The following SP140 variants were observed in gnomAD, a reference collection of about 807,000 sequenced individuals.
The protein encoded by SP140 is SP140 nuclear body protein.
A neutral mutation model predicts 125.0 loss-of-function variants in SP140; 81 were observed. The observed-to-expected ratio is 0.65, with a 90% CI of 0.54 to 0.78. The LOEUF (loss-of-function observed/expected upper bound fraction) is 0.78, where lower values mean the gene tolerates loss of function less well. Among genes scored for constraint, SP140 ranks in the 30% least tolerant of loss-of-function variants. SP140 has a pLI of 0.00. For missense variants in SP140, 858 were observed against 1,037.0 expected, an observed-to-expected ratio of 0.83 and a Z score of 2.37; for synonymous variants, 312 against 354.0, an observed-to-expected ratio of 0.88 and a Z score of 1.33.
intron 21 of SP140, among the ~76,000 whole-genome samples, chr2:230,294,794 A>G (rs140634400): frequency 2.0e-5 from 3 of 152,350 alleles, no homozygotes; most frequent in Admixed American, 6.5e-5. Flanking sequence ...GAAACCATAT[A>G]TCATTTAATG....
upstream of SP140, among the ~76,000 whole-genome samples, chr2:230,222,525 C>T (rs762877236): frequency 1.3e-5 from 2 of 152,046 alleles, no homozygotes; most frequent in Non-Finnish European, 2.9e-5. Context: ...TTGAGACCAG[C>T]CTGGACAACA....
At chr2:230,212,884 G>A (rs767848653) in intron 1 of SP140, 2 of 1,614,122 alleles carry the variant, frequency 1.2e-6, no homozygotes, top group East Asian at 4.5e-5. Flanking sequence ...CTGACTCTTG[G>A]CGCACAGGGT....
chr2:230,278,589 G>A (rs947547072), intron 15 of SP140, among the ~76,000 whole-genome samples: 1 of 151,910 alleles, frequency 6.6e-6, no homozygotes. Flanking sequence ...TAACCTCAAG[G>A]AGCTTTTCCT....
chr2:230,249,310 G>T (rs2050000927), intron 9 of SP140, among the ~76,000 whole-genome samples: 1 of 152,136 alleles, frequency 6.6e-6, no homozygotes, highest in Non-Finnish European at 1.5e-5. Flanking sequence ...TGACGCAGGG[G>T]AGAATGTTTT....
chr2:230,260,768 T>C (rs1405037445), intron 12 of SP140, among the ~76,000 whole-genome samples: 1 of 152,234 alleles, frequency 6.6e-6, no homozygotes, highest in South Asian at 2.1e-4. Context: ...TTGGGTTTAC[T>C]TCTGGGTTCT....
At chr2:230,226,033 G>T (rs1196323230) in intron 1 of SP140, 130 bp downstream of exon 1, 1 of 738,510 alleles carries the variant, frequency 1.4e-6, no homozygotes, top group East Asian at 2.8e-5. Flanking sequence ...TAAATAACGA[G>T]GCAATCAGAT....
At chr2:230,253,890 G>A (rs2050752137) in intron 11 of SP140, among the ~76,000 whole-genome samples, 1 of 152,192 alleles carries the variant, frequency 6.6e-6, no homozygotes, top group Non-Finnish European at 1.5e-5. Flanking sequence ...CAAAGCGTAT[G>A]CAGTTTTACA....
At chr2:230,224,134 G>A (rs1331675730), upstream of SP140, among the ~76,000 whole-genome samples, 1 of 152,194 alleles carries the variant, frequency 6.6e-6, no homozygotes, top group East Asian at 1.9e-4. Flanking sequence ...GCAAAGTAGG[G>A]CTTTCTAGTA....
chr2:230,267,637 A>G (rs1295184005), intron 12 of SP140, among the ~76,000 whole-genome samples: 2 of 152,228 alleles, frequency 1.3e-5, no homozygotes, highest in Non-Finnish European at 2.9e-5. Context: ...TAGAATCATG[A>G]TGAAAGTATA....
At chr2:230,285,919 T>G (rs2056322831) in intron 17 of SP140, 87 bp downstream of exon 17, 4 of 991,448 alleles carry the variant, frequency 4.0e-6, no homozygotes, top group Non-Finnish European at 6.4e-6. Context: ...TCCACCTTAA[T>G]TGTTTACTCA....
In SP140 at chr2:230,213,175, A is replaced by G. The variant is rs112889751; in HGVS notation, c.-322-479A>G. 1.8e-3 allele frequency: 1,397 copies of G among 789,416 alleles called. 17 individuals carry two copies. Among genetic ancestry groups the G allele is most frequent in the South Asian group, 0.016 (1,059 of 67,760 alleles). 48.9% of individuals were successfully genotyped at this position (789,416 alleles called of 1,614,324 possible). On this transcript the variant is annotated intron_variant, in intron 1 of 4. Transcript: ENST00000456542. ...TGCAGAGAACTGATTCATTGTCATC[A>G]TTATCCATTTGTGGCCCCTTAATAT...
chr2:230,291,197 T>C (rs901349688), intron 19 of SP140, among the ~76,000 whole-genome samples: 1 of 152,252 alleles, frequency 6.6e-6, no homozygotes, highest in Non-Finnish European at 1.5e-5. Context: ...ATGGCCATCA[T>C]CTCAGACCAA....
chr2:230,270,005 AC>A (rs1233713527), intron 14 of SP140, 52 bp downstream of exon 14: 4 of 1,189,452 alleles, frequency 3.4e-6, no homozygotes, highest in East Asian at 2.3e-5. Context: ...GGCCCCACAG[AC>A]CCCCAGTAGG....
chr2:230,294,124 A>G (rs1297701430), intron 20 of SP140, 147 bp from the exon 21 acceptor site: 4 of 651,932 alleles, frequency 6.1e-6, no homozygotes, highest in South Asian at 1.8e-5. Flanking sequence ...ACAGGTGAAG[A>G]CAGGGAGATG....
At chr2:230,306,150 C>T in intron 22 of SP140, among the ~76,000 whole-genome samples, 1 of 152,340 alleles carries the variant, frequency 6.6e-6, no homozygotes, top group South Asian at 2.1e-4. Flanking sequence ...TGCCCTGTGT[C>T]CCTGAGGCAG....
At chr2:230,221,722 C>G (rs1559191259), upstream of SP140, 1 of 1,536,102 alleles carries the variant, frequency 6.5e-7, no homozygotes, top group East Asian at 2.4e-5. Context: ...CCCTCCCCAT[C>G]ACCTGGAAAG....
In SP140 at chr2:230,245,886, A is replaced by G. The variant is rs778173710; in HGVS notation, c.688A>G (p.Ile230Val). ...GGVSCKLAIQIDEGESEEMPK... is the reference protein window; with the variant it reads ...GGVSCKLAIQVDEGESEEMPK... ...AGTGTCCTGTAAACTTGCTATACAA[A>G]TAGATGAAGGAGAATCAGAAGAAAT... Residue 230 changes from isoleucine (I) to valine (V), a missense_variant, in exon 7 of 27, where the codon ATA becomes GTA. Physicochemically the swap from Ile to Val is conservative, Grantham distance 29. This residue lies in a region of SP140 where 791 missense variants were observed against 869.5 expected (regional missense o/e 0.91). Transcript: ENST00000392045. 9 of 1,607,606 alleles carry G rather than the reference A, an allele frequency of 5.6e-6. No homozygotes were observed. The highest frequency in any genetic ancestry group is 7.7e-6 in the Non-Finnish European group (9 of 1,174,074).
At chr2:230,292,515 G>A (rs2057243364) in intron 19 of SP140, 131 bp from the exon 20 acceptor site, 5 of 1,227,572 alleles carry the variant, frequency 4.1e-6, no homozygotes, top group Non-Finnish European at 5.8e-6. Context: ...TAGTCTGAGA[G>A]GGAAGGCCAG....
At chr2:230,303,024 A>G (rs571702458) in intron 22 of SP140, among the ~76,000 whole-genome samples, 1 of 152,262 alleles carries the variant, frequency 6.6e-6, no homozygotes, top group Non-Finnish European at 1.5e-5. Context: ...AACAAACCAA[A>G]CCCAAACCCA....
Sources: allele counts gnomAD v4.1 joint callset (sites outside exome capture counted in the v4.1 genomes callset), GRCh38; gene constraint gnomAD v4.1.1; regional missense constraint gnomAD v4.1.1; transcripts MANE v1.5; gene names NCBI Gene and HGNC (gene_info 2026-07-23, HGNC 2026-07-21).